The following ASCC3 variants were observed in gnomAD, a reference collection of about 807,000 sequenced individuals.
ASCC3 encodes activating signal cointegrator 1 complex subunit 3.
Under a neutral mutation model 256.3 loss-of-function variants are expected in ASCC3, and 158 were observed. The ratio of observed to expected loss-of-function variants is 0.62; its 90% CI spans 0.54 to 0.70. The LOEUF (loss-of-function observed/expected upper bound fraction) is 0.70. ASCC3 is among the 30% of genes least tolerant of loss of function. The pLI is 0.00. For synonymous variants in ASCC3, 948 were observed against 883.4 expected (o/e 1.07, Z -1.30); for missense variants, 2,259 against 2,626.0 (o/e 0.86, Z 3.05).
chr6:100,626,892 G>A (rs1053762909), intron 29 of ASCC3, among the ~76,000 whole-genome samples: 16 of 152,012 alleles, frequency 1.1e-4, no homozygotes, highest in African/African-American at 3.1e-4. Context: ...TTGTTCATTA[G>A]TGATTTTGTA....
At chr6:100,855,839 A>G (rs1230293567) in intron 3 of ASCC3, among the ~76,000 whole-genome samples, 1 of 152,188 alleles carries the variant, frequency 6.6e-6, no homozygotes, top group African/African-American at 2.4e-5. Context: ...CATCACAACA[A>G]CTACAGAGGG....
intron 1 of ASCC3, among the ~76,000 whole-genome samples, chr6:100,878,474 A>G (rs1769097439): frequency 6.6e-6 from 1 of 152,234 alleles, no homozygotes; most frequent in South Asian, 2.1e-4. Flanking sequence ...GGGAAAACAA[A>G]TAAAAAAAAA....
Position 100,864,116 on chromosome 6 carries a change from C to T in ASCC3, c.189G>A (p.Met63Ile), listed in dbSNP as rs762283240. ...CTTTTAAGTCTTCATTTATACTTTG[C>T]ATTTTACTCTTCTCCAGTTTTTCAT... ...FLNEKLEKSK[M>I]QSINEDLKDI... The change falls in exon 3 of 42, where the codon ATG (methionine) becomes ATA (isoleucine). Residue 63 changes from methionine (M) to isoleucine (I), a missense_variant. This residue lies in a region of ASCC3 where 420 missense variants were observed against 419.3 expected (regional missense o/e 1.00). Transcript: ENST00000369162. The T allele has an allele frequency of 6.2e-7, 1 of 1,601,316 alleles. No homozygotes were observed. The highest frequency in any genetic ancestry group is 8.5e-7 in the Non-Finnish European group (1 of 1,171,262).
chr6:100,656,645 C>T (rs1775928425), intron 16 of ASCC3, among the ~76,000 whole-genome samples: 1 of 151,060 alleles, frequency 6.6e-6, no homozygotes, highest in Non-Finnish European at 1.5e-5. Context: ...AAAAACACAA[C>T]AATAGCATAT....
intron 8 of ASCC3, among the ~76,000 whole-genome samples, chr6:100,775,303 T>C (rs187250561): frequency 6.6e-6 from 1 of 152,114 alleles, no homozygotes; most frequent in Admixed American, 6.6e-5. Flanking sequence ...ATTTAAATTA[T>C]GAAAGAAAAA....
At chr6:100,622,705 A>G (rs1301284585) in intron 30 of ASCC3, among the ~76,000 whole-genome samples, 1 of 151,760 alleles carries the variant, frequency 6.6e-6, no homozygotes, top group Non-Finnish European at 1.5e-5. Flanking sequence ...TAATAAAATA[A>G]ATATTCTAGG....
chr6:100,759,861 A>AG (rs1781349406), intron 10 of ASCC3, among the ~76,000 whole-genome samples: 1 of 152,134 alleles, frequency 6.6e-6, no homozygotes, highest in African/African-American at 2.4e-5. Context: ...CTCCTTGAAG[A>AG]GGTCCTTCAC....
intron 13 of ASCC3, among the ~76,000 whole-genome samples, chr6:100,692,376 T>G (rs531619265): frequency 1.3e-5 from 2 of 152,176 alleles, no homozygotes; most frequent in African/African-American, 4.8e-5. Flanking sequence ...TTTTAAAAAT[T>G]TATAAATGCT....
At chr6:100,789,924 T>C (rs1484753308) in intron 8 of ASCC3, among the ~76,000 whole-genome samples, 1 of 151,978 alleles carries the variant, frequency 6.6e-6, no homozygotes, top group Non-Finnish European at 1.5e-5. Flanking sequence ...TTATTGAGAA[T>C]GCAAAATGAA....
chr6:100,534,763 A>G (rs1309582957), intron 37 of ASCC3, among the ~76,000 whole-genome samples: 1 of 152,202 alleles, frequency 6.6e-6, no homozygotes. Context: ...GAAATGGGAT[A>G]GGAGAAGCAA....
chr6:100,721,449 A>C (rs1779326785), intron 11 of ASCC3, among the ~76,000 whole-genome samples: 1 of 151,728 alleles, frequency 6.6e-6, no homozygotes, highest in African/African-American at 2.4e-5. Flanking sequence ...CATGCCCTGA[A>C]TGCTTCTTTT....
intron 13 of ASCC3, among the ~76,000 whole-genome samples, chr6:100,680,467 T>C (rs1323748636): frequency 6.6e-6 from 1 of 152,196 alleles, no homozygotes; most frequent in Non-Finnish European, 1.5e-5. Context: ...CTTTCCTCTG[T>C]AAGTTTCTTC....
chr6:100,511,089 T>C (rs997728724), intron 40 of ASCC3, among the ~76,000 whole-genome samples: 2 of 152,206 alleles, frequency 1.3e-5, no homozygotes, highest in African/African-American at 4.8e-5. Context: ...TTATTACTAT[T>C]ATTAGTTTGT....
Position 100,531,142 on chromosome 6 carries a change from A to G in ASCC3, c.5775+9021T>C, listed in dbSNP as rs1404694597. The stretch of plus-strand genomic sequence containing the variant: ...TTCTGCTGGCTGGACTGAACTAAAG[A>G]TCAATTCTCACAATTCAGACTGAGG... On this transcript the variant is annotated intron_variant, in intron 37 of 41. Transcript: ENST00000369162. The G allele has an allele frequency of 5.0e-6, 4 of 802,146 alleles. No individual in the cohort carries two copies. In the East Asian group the frequency reaches 7.4e-5, roughly 15 times the overall value. The allele number at this position is 802,146 out of a possible 1,614,324, so 49.7% of individuals were successfully genotyped here.
In ASCC3 at chr6:100,856,467, T is replaced by C. The variant is rs1188511214; in HGVS notation, c.241+7597A>G. 4 of 901,244 alleles carry C rather than the reference T, an allele frequency of 4.4e-6. No individual in the cohort carries two copies. The East Asian group carries it at 3.6e-4, about 80-fold the overall frequency. The allele number at this position is 901,244 out of a possible 1,614,324, so 55.8% of individuals were successfully genotyped here. On this transcript the variant is annotated intron_variant, in intron 3 of 41. Coordinates refer to ENST00000369162, the MANE Select transcript of ASCC3 (RefSeq NM_006828.4). ...TACTTCTTATTTAATCTATGTAATA[T>C]AAAAATCATAGTAATTCTTTTTATT...
At position 100,817,801 on chromosome 6, in the gene ASCC3, A is replaced by G. The variant is rs78578395; in HGVS notation, c.802-11921T>C. ...AATCAAGAAACGACCCACAAAGGCCAGGTCCAGATGGCTTCACAGTTGAAT... is the reference window on the plus strand; with the variant it reads ...AATCAAGAAACGACCCACAAAGGCCGGGTCCAGATGGCTTCACAGTTGAAT... On this transcript the variant is annotated intron_variant, in intron 4 of 41. Coordinates refer to ENST00000369162, the MANE Select transcript of ASCC3 (RefSeq NM_006828.4). Among the ~76,000 whole-genome samples, 764 of 152,308 alleles carry G rather than the reference A, an allele frequency of 5.0e-3. 6 individuals carry two copies. Among genetic ancestry groups the G allele is most frequent in the African/African-American group, 0.018 (734 of 41,576 alleles).
chr6:100,715,310 T>A (rs1167063773), intron 13 of ASCC3, 152 bp downstream of exon 13: 1 of 650,936 alleles, frequency 1.5e-6, no homozygotes, highest in African/African-American at 1.8e-5. Flanking sequence ...CCCATTGGGC[T>A]AAAGCAGTTA....
intron 19 of ASCC3, 60 bp downstream of exon 19, chr6:100,651,500 T>C: frequency 1.0e-6 from 1 of 982,366 alleles, no homozygotes; most frequent in East Asian, 2.7e-5. Context: ...GAGAACCTTT[T>C]ATAAATGAAT....
intron 4 of ASCC3, among the ~76,000 whole-genome samples, chr6:100,833,646 G>C (rs1379961688): frequency 6.6e-6 from 1 of 151,950 alleles, no homozygotes; most frequent in African/African-American, 2.4e-5. Context: ...ACAAAATATG[G>C]TATAAAATTC....
Sources: allele counts gnomAD v4.1 joint callset (sites outside exome capture counted in the v4.1 genomes callset), GRCh38; gene constraint gnomAD v4.1.1; regional missense constraint gnomAD v4.1.1; transcripts MANE v1.5; gene names NCBI Gene and HGNC (gene_info 2026-07-23, HGNC 2026-07-21).